PYGL: variants seen among roughly 807,000 people sequenced by gnomAD.
PYGL encodes glycogen phosphorylase, liver form.
Under a neutral mutation model 100.1 loss-of-function variants are expected in PYGL, and 90 were observed. The ratio of observed to expected loss-of-function variants is 0.90; its 90% CI spans 0.76 to 1.07. PYGL has a LOEUF of 1.07. Among genes scored for constraint, PYGL ranks in the 50% least tolerant of loss-of-function variants. The pLI is 0.00. For missense variants in PYGL, 1,016 were observed against 1,057.6 expected (o/e 0.96, Z 0.55); for synonymous variants, 373 against 393.0 (o/e 0.95, Z 0.60).
Position 50,937,817 on chromosome 14 carries a change from C to T in PYGL, c.264G>A (p.Leu88=). The change falls in exon 2 of 20, where the codon CTG becomes CTA. Residue 88 remains leucine, a synonymous_variant. Coordinates refer to ENST00000216392, the MANE Select transcript of PYGL (RefSeq NM_002863.5). Reference sequence around the variant, plus strand: ...GTAATGTTCGGCCCATGTAAAATTCCAGAGAGAGGTAATATACCCTCTGAA... The same window carrying T: ...GTAATGTTCGGCCCATGTAAAATTCTAGAGAGAGGTAATATACCCTCTGAA... The part of the protein sequence containing the change: ...KCPKRVYYLS[L]EFYMGRTLQN... The T allele has an allele frequency of 1.2e-6, 2 of 1,613,434 alleles. No individual in the cohort carries two copies. Among genetic ancestry groups the T allele is most frequent in the South Asian group, 1.1e-5 (1 of 91,070 alleles).
At position 50,916,667 on chromosome 14, in the gene PYGL, T is replaced by G; in HGVS notation, c.1067A>C (p.Asp356Ala). ...CTTGGACCAGGGCAGTTTTTCAATATCCACAAAAATCCTCATCAGCTCAGG... is the reference window on the plus strand; with the variant it reads ...CTTGGACCAGGGCAGTTTTTCAATAGCCACAAAAATCCTCATCAGCTCAGG... The part of the protein sequence containing the change: ...AIPELMRIFV[D>A]IEKLPWSKAW... Residue 356 changes from aspartate (D) to alanine (A), a missense_variant, in exon 9 of 20, where the codon GAT (aspartate) becomes GCT (alanine). By Grantham distance (126) the Asp-to-Ala change is moderately radical (BLOSUM62 -2). Coordinates refer to ENST00000216392, the MANE Select transcript of PYGL (RefSeq NM_002863.5). 6.2e-7 allele frequency: 1 copy of G among 1,614,052 alleles called. No homozygotes were observed. Among genetic ancestry groups the G allele is most frequent in the Non-Finnish European group, 8.5e-7 (1 of 1,179,890 alleles).
rs763742821 is a variant in PYGL at position 50,912,214 on chromosome 14, C to T, written c.1710G>A (p.Arg570=). ...AGAGCTGTCGCTTGTACTCATGTAT[C>T]CTCTTCACCTGGACATCAAACATGG... The part of the protein sequence containing the change: ...PSSMFDVQVK[R]IHEYKRQLLN... Residue 570 remains arginine, a synonymous_variant, in exon 14 of 20, where the codon AGG becomes AGA. Coordinates refer to ENST00000216392, the MANE Select transcript of PYGL (RefSeq NM_002863.5). 1.9e-6 allele frequency: 3 copies of T among 1,614,164 alleles called. No homozygotes were observed. Among genetic ancestry groups the T allele is most frequent in the Admixed American group, 3.3e-5 (2 of 60,018 alleles).
chr14:50,916,514 T>C (rs1368604653), intron 9 of PYGL, 128 bp downstream of exon 9: 3 of 861,358 alleles, frequency 3.5e-6, no homozygotes, highest in Admixed American at 2.1e-5. Flanking sequence ...TCAGGGAAAA[T>C]ATACCTTTAA....
intron 9 of PYGL, among the ~76,000 whole-genome samples, chr14:50,916,379 A>C (rs1470786426): frequency 6.6e-6 from 1 of 152,188 alleles, no homozygotes; most frequent in South Asian, 2.1e-4. Flanking sequence ...AATCTTTTTC[A>C]ACACAAAAAT....
At chr14:50,914,387 C>T (rs1322432767) in intron 12 of PYGL, among the ~76,000 whole-genome samples, 1 of 151,988 alleles carries the variant, frequency 6.6e-6, no homozygotes, top group Admixed American at 6.6e-5. Context: ...ATCCCTGCTA[C>T]TCGGGAGGCT....
chr14:50,926,740 A>G (rs1270620338), intron 4 of PYGL, among the ~76,000 whole-genome samples: 1 of 150,142 alleles, frequency 6.7e-6, no homozygotes, highest in Admixed American at 6.6e-5. Context: ...AAAAAAAAAA[A>G]AAAAAAAAAA....
intron 13 of PYGL, 36 bp downstream of exon 13, chr14:50,912,993 A>G: frequency 6.4e-7 from 1 of 1,560,494 alleles, no homozygotes; most frequent in Non-Finnish European, 8.8e-7. Context: ...TCTCACAGTG[A>G]GTGCCCAGGA....
Position 50,916,903 on chromosome 14 carries a change from A to G in PYGL, c.999+59T>C. On this transcript the variant is annotated intron_variant, in intron 8 of 19. Transcript: ENST00000216392. ...ACTGAGAGAGAGGAATTAATCTGAT[A>G]GGAAATCCCAGTCAATCCCTCAGTG... 3.8e-6 allele frequency: 6 copies of G among 1,586,170 alleles called. No homozygotes were observed. The Admixed American group carries it at 8.3e-5, about 22-fold the overall frequency.
chr14:50,913,120 TC>T lies in PYGL; in HGVS notation c.1528del (p.Glu510LysfsTer4). 1 of 1,613,568 alleles carries T rather than the reference TC, an allele frequency of 6.2e-7. No individual in the cohort carries two copies. Among genetic ancestry groups the T allele is most frequent in the Non-Finnish European group, 8.5e-7 (1 of 1,179,628 alleles). On this transcript the variant is annotated frameshift_variant, in exon 13 of 20. Coordinates refer to ENST00000216392, the MANE Select transcript of PYGL (RefSeq NM_002863.5). LOFTEE classifies it high-confidence loss of function. ...CTGGCTCAGGTCTTTCACATAGTCT[TC>T]TCCAATTTTCTTTCAATTCAAAGGA... Reference protein sequence around the residue: ...LAELIAEKIGEDYVKDLSQLT... With the variant: ...LAELIAEKIGXDYVKDLSQLT...
In PYGL at chr14:50,908,990, G is replaced by C. The variant is rs199963060; in HGVS notation, c.2178-35C>G. ...AGGGGTGGGTGGGTGATAAAAAAAGGCTCTGTTATTGTGTTGTGTGATTAA... is the reference window on the plus strand; with the variant it reads ...AGGGGTGGGTGGGTGATAAAAAAAGCCTCTGTTATTGTGTTGTGTGATTAA... On this transcript the variant is annotated intron_variant, in intron 17 of 19. Coordinates refer to ENST00000216392, the MANE Select transcript of PYGL (RefSeq NM_002863.5). 6.2e-4 allele frequency: 983 copies of C among 1,584,464 alleles called. 8 individuals are homozygous for C. In the African/African-American group the frequency reaches 0.011, roughly 18 times the overall value.
Position 50,915,859 on chromosome 14 carries a change from T to G in PYGL, c.1205A>C (p.Glu402Ala). The change falls in exon 10 of 20, where the codon GAA becomes GCA. Residue 402 changes from glutamate to alanine, a missense_variant. Transcript: ENST00000216392. ...CTTCTGATTTATCTCATAAATGATT[T>G]CCAAATGTCGAGGGAGCAGCTTCTC... is the stretch of plus-strand genomic sequence containing the variant. ...LVEKLLPRHL[E>A]IIYEINQKHL... The G allele has an allele frequency of 6.2e-7, 1 of 1,614,210 alleles. No individual in the cohort carries two copies. The highest frequency in any genetic ancestry group is 8.5e-7 in the Non-Finnish European group (1 of 1,180,020).
At chr14:50,935,565 T>C (rs2050647653) in intron 2 of PYGL, among the ~76,000 whole-genome samples, 1 of 152,204 alleles carries the variant, frequency 6.6e-6, no homozygotes. Context: ...TTTAGAACTA[T>C]TCTTGGGCAG....
intron 1 of PYGL, among the ~76,000 whole-genome samples, chr14:50,938,279 C>G (rs772990850): frequency 6.6e-6 from 1 of 152,208 alleles, no homozygotes; most frequent in African/African-American, 2.4e-5. Context: ...GGTCCAATAT[C>G]AGCTCACTGC....
intron 4 of PYGL, 40 bp downstream of exon 4, chr14:50,931,633 A>C (rs775149869): frequency 3.0e-5 from 46 of 1,513,796 alleles, no homozygotes; most frequent in Non-Finnish European, 4.1e-5. Flanking sequence ...ATGAAAGAGA[A>C]GTACCTTAAT....
intron 4 of PYGL, among the ~76,000 whole-genome samples, chr14:50,928,946 G>A (rs2050579280): frequency 6.6e-6 from 1 of 152,230 alleles, no homozygotes; most frequent in South Asian, 2.1e-4. Context: ...GAGGTGGTAA[G>A]TAAAATTATA....
chr14:50,941,036 A>G (rs1482728470), intron 1 of PYGL, among the ~76,000 whole-genome samples: 1 of 152,180 alleles, frequency 6.6e-6, no homozygotes, highest in African/African-American at 2.4e-5. Context: ...ACAAGGGAAG[A>G]ACAGGCCCAC....
intron 1 of PYGL, among the ~76,000 whole-genome samples, chr14:50,943,636 C>T (rs1410832917): frequency 6.6e-6 from 1 of 152,256 alleles, no homozygotes; most frequent in Non-Finnish European, 1.5e-5. Flanking sequence ...CTCCTCTGCA[C>T]CACACTTAGC....
intron 17 of PYGL, 74 bp downstream of exon 17, chr14:50,909,821 G>A: frequency 6.6e-7 from 1 of 1,519,894 alleles, no homozygotes; most frequent in Non-Finnish European, 9.1e-7. Context: ...GTGTGGGCAG[G>A]AAGCCCTCTG....
At chr14:50,937,910 T>C (rs1455054179) in intron 1 of PYGL, 73 bp from the exon 2 acceptor site, 3 of 1,314,436 alleles carry the variant, frequency 2.3e-6, no homozygotes, top group South Asian at 1.2e-5. Context: ...CACAAGGTCA[T>C]GTGTTAGGTC....
Sources: gnomAD v4.1 joint callset for allele counts (sites outside exome capture counted in the v4.1 genomes callset) on GRCh38, gnomAD v4.1.1 for gene constraint, MANE v1.5 for transcripts, NCBI Gene and HGNC (gene_info 2026-07-23, HGNC 2026-07-21) for gene names.